The following INTS6 variants were observed in gnomAD, a reference collection of about 807,000 sequenced individuals.
INTS6 encodes DEAD box protein.
A neutral mutation model predicts 104.9 loss-of-function variants in INTS6; 16 were observed. That is an observed-to-expected ratio of 0.15 (90% confidence interval 0.10 to 0.23). The LOEUF (loss-of-function observed/expected upper bound fraction) is 0.23, where lower values mean the gene tolerates loss of function less well. Ranked by LOEUF, INTS6 falls within the 10% of genes least tolerant of loss-of-function variation. The probability of loss-of-function intolerance (pLI) is 1.00; values close to 1 mark genes in which losing one functional copy is unlikely to be tolerated. For synonymous variants in INTS6, 324 were observed against 358.7 expected (o/e 0.90, Z 1.09); for missense variants, 584 against 1,062.8 (o/e 0.55, Z 6.26).
At chr13:51,344,882 A>G in the INTS6 span, among the ~76,000 whole-genome samples, 1 of 152,208 alleles carries the variant, frequency 6.6e-6, no homozygotes, top group Non-Finnish European at 1.5e-5. Flanking sequence ...AGCCAAAAAA[A>G]GTGGTTTCCT....
chr13:51,412,199 A>G (rs1956701849), intron 4 of INTS6, among the ~76,000 whole-genome samples: 1 of 152,242 alleles, frequency 6.6e-6, no homozygotes, highest in African/African-American at 2.4e-5. Context: ...GGAGTAACAT[A>G]TATTTTATAC....
chr13:51,444,307 A>G (rs1430792160), intron 3 of INTS6: 1 of 118,948 alleles, frequency 8.4e-6, no homozygotes, highest in East Asian at 2.4e-4. Flanking sequence ...GTTTCACCAC[A>G]TTGTCTAGGC....
intron 4 of INTS6, among the ~76,000 whole-genome samples, chr13:51,414,785 T>A (rs1956753947): frequency 1.3e-5 from 2 of 151,706 alleles, no homozygotes; most frequent in African/African-American, 4.8e-5. Flanking sequence ...CCTTTATAGA[T>A]TCATTTCCGT....
At chr13:51,440,273 A>G (rs1383468506) in intron 3 of INTS6, 1 of 152,096 alleles carries the variant, frequency 6.6e-6, no homozygotes, top group Non-Finnish European at 1.5e-5. Flanking sequence ...AGTTTTTAAA[A>G]AAATAACAAT....
At chr13:51,381,659 C>T (rs1033329998) in intron 10 of INTS6, among the ~76,000 whole-genome samples, 1 of 151,832 alleles carries the variant, frequency 6.6e-6, no homozygotes, top group Non-Finnish European at 1.5e-5. Flanking sequence ...GTTTATAATA[C>T]CCACAATAAA....
chr13:51,407,775 G>A (rs1186122626), intron 4 of INTS6, among the ~76,000 whole-genome samples: 1 of 152,046 alleles, frequency 6.6e-6, no homozygotes, highest in Non-Finnish European at 1.5e-5. Context: ...AGTGGTTCAT[G>A]CCTAAATCCC....
chr13:51,443,435 T>TA lies in INTS6; in HGVS notation c.339+7589dup, dbSNP rs1952834297. 8.5e-5 allele frequency: 13 copies of TA among 152,308 alleles called. No homozygotes were observed. The South Asian group carries it at 2.5e-3, about 29-fold the overall frequency. The allele number at this position is 152,308 out of a possible 1,614,324, so 9.4% of individuals were successfully genotyped here. The stretch of plus-strand genomic sequence containing the variant: ...TTAAGTTACATCTCAATAAAAATGT[T>TA]AGAGATCAGAAAATACAAACCAAAA... On this transcript the variant is annotated intron_variant, in intron 3 of 17. Coordinates refer to ENST00000311234, the MANE Select transcript of INTS6 (RefSeq NM_012141.3).
chr13:51,367,280 G>A (rs943038155), intron 17 of INTS6, among the ~76,000 whole-genome samples: 4 of 151,878 alleles, frequency 2.6e-5, no homozygotes, highest in South Asian at 2.1e-4. Flanking sequence ...CCATTTCCCC[G>A]CCTCCAAATA....
At chr13:51,387,311 G>T in intron 7 of INTS6, 75 bp downstream of exon 7, 1 of 1,337,770 alleles carries the variant, frequency 7.5e-7, no homozygotes, top group Non-Finnish European at 1.0e-6. Context: ...TCACAGCTTT[G>T]ACAACAGAAT....
chr13:51,348,171 G>C, the INTS6 span: 1 of 1,469,322 alleles, frequency 6.8e-7, no homozygotes, highest in Non-Finnish European at 9.3e-7. Flanking sequence ...CATTCTCCTG[G>C]CTCCTGGGAC....
chr13:51,452,920 C>T lies in INTS6; in HGVS notation c.-395G>A. On this transcript the variant is annotated 5_prime_UTR_variant, in exon 1 of 18. Coordinates refer to ENST00000311234, the MANE Select transcript of INTS6 (RefSeq NM_012141.3). This position sits in a 1 kb window ranked among gnomAD's most constrained non-coding sequence, Gnocchi z 4.2. Reference sequence around the variant, plus strand: ...ACAGGAGTGGGGACCTGGGAGCTGGCGAAGAGGGGAGTGGGCTGAGGGAAG... The same window carrying T: ...ACAGGAGTGGGGACCTGGGAGCTGGTGAAGAGGGGAGTGGGCTGAGGGAAG... 3.7e-6 allele frequency: 4 copies of T among 1,077,428 alleles called. No homozygotes were observed. Among genetic ancestry groups the T allele is most frequent in the Non-Finnish European group, 4.5e-6 (4 of 885,510 alleles). 66.7% of individuals were successfully genotyped at this position (1,077,428 alleles called of 1,614,324 possible). A position where few individuals can be genotyped will look rare whatever the true frequency, so the allele number is the denominator to read the frequency against.
At chr13:51,378,109 T>C in intron 12 of INTS6, 130 bp downstream of exon 12, 1 of 672,516 alleles carries the variant, frequency 1.5e-6, no homozygotes. Flanking sequence ...ATAATGATCA[T>C]TAGTCTACAA....
At chr13:51,440,695 G>A (rs1383438415) in intron 3 of INTS6, 1 of 152,154 alleles carries the variant, frequency 6.6e-6, no homozygotes, top group African/African-American at 2.4e-5. Flanking sequence ...ACTGCCTAGA[G>A]CAATCAGTAC....
chr13:51,343,273 A>T, the INTS6 span, among the ~76,000 whole-genome samples: 1 of 152,202 alleles, frequency 6.6e-6, no homozygotes, highest in Non-Finnish European at 1.5e-5. Flanking sequence ...TGTGCCTAAA[A>T]GGGAGTAGAA....
At chr13:51,400,843 A>T (rs1956424155) in intron 4 of INTS6, among the ~76,000 whole-genome samples, 1 of 151,804 alleles carries the variant, frequency 6.6e-6, no homozygotes, top group African/African-American at 2.4e-5. Flanking sequence ...GAGTAGGGGA[A>T]CAAGGGAGAC....
At chr13:51,421,320 G>GGGCTGC in intron 4 of INTS6, 1 of 985,348 alleles carries the variant, frequency 1.0e-6, no homozygotes, top group Non-Finnish European at 1.2e-6. Flanking sequence ...GAAAACCACT[G>GGGCTGC]GGCTGCTCCT....
chr13:51,352,133 A>C (rs1484040020), downstream of INTS6, among the ~76,000 whole-genome samples: 1 of 152,136 alleles, frequency 6.6e-6, no homozygotes, highest in Non-Finnish European at 1.5e-5. Flanking sequence ...CAGCTTGTCA[A>C]TTTTTGCCAA....
intron 4 of INTS6, among the ~76,000 whole-genome samples, chr13:51,428,216 G>T (rs1440225051): frequency 6.6e-6 from 1 of 151,656 alleles, no homozygotes; most frequent in African/African-American, 2.4e-5. Flanking sequence ...ACATTCAAAA[G>T]ACTTTTAATT....
chr13:51,372,175 T>C (rs903569861), intron 15 of INTS6, among the ~76,000 whole-genome samples: 17 of 152,084 alleles, frequency 1.1e-4, no homozygotes, highest in African/African-American at 3.6e-4. Context: ...CTCATAGCCA[T>C]TGTTTCCATT....
Sources: gnomAD v4.1 joint callset for allele counts (sites outside exome capture counted in the v4.1 genomes callset) on GRCh38, gnomAD v4.1.1 for gene constraint, Gnocchi (gnomAD v3.1) non-coding constraint, MANE v1.5 for transcripts, NCBI Gene and HGNC (gene_info 2026-07-23, HGNC 2026-07-21) for gene names.